PLD1: variants seen among roughly 807,000 people sequenced by gnomAD.
The protein encoded by PLD1 is phospholipase D1.
PLD1 carries 112 observed loss-of-function variants against 137.1 expected under a neutral mutation model. The observed-to-expected ratio is 0.82, with a 90% CI of 0.70 to 0.96. PLD1 has a LOEUF of 0.96. PLD1 is among the 40% of genes least tolerant of loss of function. The pLI, the probability that PLD1 is intolerant of heterozygous loss-of-function variation, is 0.00. For missense variants in PLD1, 1,321 were observed against 1,342.0 expected, an observed-to-expected ratio of 0.98 and a Z score of 0.24; for synonymous variants, 431 against 454.7, an observed-to-expected ratio of 0.95 and a Z score of 0.66.
At position 171,675,847 on chromosome 3, in the gene PLD1, T is replaced by TA. The variant is rs1284076445; in HGVS notation, c.2115+867_2115+868insT. Among the ~76,000 whole-genome samples the TA allele has an allele frequency of 2.0e-4, 30 of 149,574 alleles. 1 individual carries two copies. In the East Asian group the frequency reaches 5.8e-3, roughly 29 times the overall value. ...TTAATAACACCTGAATATGTACTTT[T>TA]TTTTTTTTTTTTTGAGACAGAGTCT... On this transcript the variant is annotated intron_variant, in intron 18 of 26. Transcript: ENST00000351298.
rs568582583 is a variant in PLD1 at position 171,687,603 on chromosome 3, T to A, written c.1540-19A>T. The A allele has an allele frequency of 1.6e-4, 245 of 1,536,516 alleles. No homozygotes were observed. The Admixed American group carries it at 2.1e-3, about 13-fold the overall frequency. On this transcript the variant is annotated intron_variant, in intron 14 of 26. Transcript: ENST00000351298. ...CGGCAGGCTGAGAAAAATTTTTTTT[T>A]AAAAAAAGACACTGCATAAGACATG...
chr3:171,604,646 C>T (rs1732068965), intron 26 of PLD1, among the ~76,000 whole-genome samples: 2 of 152,084 alleles, frequency 1.3e-5, no homozygotes, highest in Non-Finnish European at 2.9e-5. Context: ...TTTATTATAA[C>T]CAAAGGATAG....
chr3:171,648,053 C>T (rs186365485), intron 21 of PLD1, among the ~76,000 whole-genome samples: 3 of 152,278 alleles, frequency 2.0e-5, no homozygotes, highest in Admixed American at 2.0e-4. Context: ...TCAGAATTCC[C>T]TCCTTTTTAA....
chr3:171,716,031 T>C (rs1316322064), intron 8 of PLD1, among the ~76,000 whole-genome samples: 6 of 151,950 alleles, frequency 3.9e-5, no homozygotes, highest in Non-Finnish European at 7.4e-5. Context: ...TTGGGTTTCC[T>C]GTTCCTGTGT....
intron 5 of PLD1, among the ~76,000 whole-genome samples, chr3:171,734,405 C>T (rs1004052512): frequency 1.4e-4 from 22 of 152,226 alleles, no homozygotes; most frequent in African/African-American, 4.6e-4. Flanking sequence ...TTTTCTGTCC[C>T]AGTGCTGTGC....
At chr3:171,632,283 T>G (rs1177248910) in intron 23 of PLD1, among the ~76,000 whole-genome samples, 1 of 152,112 alleles carries the variant, frequency 6.6e-6, no homozygotes, top group Non-Finnish European at 1.5e-5. Context: ...AAAATCAAAA[T>G]GATTGAAAGA....
intron 8 of PLD1, among the ~76,000 whole-genome samples, chr3:171,720,718 T>C (rs185100702): frequency 4.1e-4 from 62 of 152,342 alleles, no homozygotes; most frequent in African/African-American, 1.4e-3. Context: ...GGCTTTAATC[T>C]TCACAGAATG....
intron 1 of PLD1, among the ~76,000 whole-genome samples, chr3:171,798,783 A>G (rs1473126051): frequency 1.3e-5 from 2 of 152,190 alleles, no homozygotes; most frequent in Non-Finnish European, 2.9e-5. Context: ...CTCTGGACAT[A>G]TTACCTGACC....
At chr3:171,716,883 A>C (rs945604339) in intron 8 of PLD1, among the ~76,000 whole-genome samples, 1 of 151,864 alleles carries the variant, frequency 6.6e-6, no homozygotes, top group African/African-American at 2.4e-5. Context: ...TAGGTTTTAC[A>C]TTTAAGTTTC....
intron 1 of PLD1, among the ~76,000 whole-genome samples, chr3:171,757,890 A>G (rs1314450774): frequency 1.3e-5 from 2 of 152,230 alleles, no homozygotes; most frequent in African/African-American, 2.4e-5. Flanking sequence ...CTGGTCTGAA[A>G]CCAGCTTTGT....
chr3:171,661,482 G>A (rs554394932), intron 20 of PLD1, among the ~76,000 whole-genome samples: 26 of 152,142 alleles, frequency 1.7e-4, no homozygotes, highest in African/African-American at 6.3e-4. Context: ...ACTAAACTCA[G>A]TGTCCCCAGA....
rs1716925057 is a variant in PLD1, at chr3:171,708,963, A to T, written c.1062-125T>A. 6.5e-6 allele frequency: 4 copies of T among 615,972 alleles called. No homozygotes were observed. The Middle Eastern group carries it at 1.2e-3, about 188-fold the overall frequency. The allele number at this position is 615,972 out of a possible 1,614,324, so 38.2% of individuals were successfully genotyped here. A position where few individuals can be genotyped will look rare whatever the true frequency, so the allele number is the denominator to read the frequency against. On this transcript the variant is annotated intron_variant, in intron 10 of 26. Coordinates refer to ENST00000351298, the MANE Select transcript of PLD1 (RefSeq NM_002662.5). ...TCCACATAACACATAACCACCATTG[A>T]CTTTGTGGACCTGGAAAACAAGGAT...
chr3:171,616,883 G>A (rs1475881336), intron 24 of PLD1, among the ~76,000 whole-genome samples: 2 of 152,122 alleles, frequency 1.3e-5, no homozygotes, highest in South Asian at 2.1e-4. Flanking sequence ...GGAAACGAAC[G>A]CACGAACTCT....
At position 171,600,999 on chromosome 3, in the gene PLD1, A is replaced by T. The variant is rs1488162669; in HGVS notation, c.*2079T>A. ...CTAGTAGGGGGAGACAGACAAACACATAAATACAAAATATCAGAGGGTTCA... is the reference window on the plus strand; with the variant it reads ...CTAGTAGGGGGAGACAGACAAACACTTAAATACAAAATATCAGAGGGTTCA... On this transcript the variant is annotated 3_prime_UTR_variant, in exon 27 of 27. Coordinates refer to ENST00000351298, the MANE Select transcript of PLD1 (RefSeq NM_002662.5). 1 of 152,240 alleles carries T rather than the reference A, an allele frequency of 6.6e-6. No individual in the cohort carries two copies. The allele number at this position is 152,240 out of a possible 1,614,324, so 9.4% of individuals were successfully genotyped here. A position where few individuals can be genotyped will look rare whatever the true frequency, so the allele number is the denominator to read the frequency against.
chr3:171,757,033 C>T (rs1721075900), intron 1 of PLD1, among the ~76,000 whole-genome samples: 2 of 152,066 alleles, frequency 1.3e-5, no homozygotes, highest in Admixed American at 6.5e-5. Flanking sequence ...GATCCCATGG[C>T]AGAAAAACCA....
chr3:171,747,507 C>T (rs193182155), intron 1 of PLD1, among the ~76,000 whole-genome samples: 50 of 150,832 alleles, frequency 3.3e-4, no homozygotes, highest in African/African-American at 1.1e-3. Flanking sequence ...TATAACTACT[C>T]CCATTCAACC....
chr3:171,756,917 A>G (rs1721071693), intron 1 of PLD1, among the ~76,000 whole-genome samples: 1 of 152,234 alleles, frequency 6.6e-6, no homozygotes, highest in South Asian at 2.1e-4. Flanking sequence ...TGGTTTATAA[A>G]TTATATCCCA....
chr3:171,773,925 C>T (rs963152462), intron 1 of PLD1, among the ~76,000 whole-genome samples: 2 of 151,936 alleles, frequency 1.3e-5, no homozygotes, highest in Non-Finnish European at 2.9e-5. Flanking sequence ...ATTTTTTGTA[C>T]TTTTAGTAGA....
chr3:171,766,891 T>C (rs1722013530), intron 1 of PLD1, among the ~76,000 whole-genome samples: 2 of 152,216 alleles, frequency 1.3e-5, no homozygotes, highest in African/African-American at 4.8e-5. Flanking sequence ...TCTAAACTTA[T>C]TTGTAACACG....
Sources: allele counts gnomAD v4.1 joint callset (sites outside exome capture counted in the v4.1 genomes callset), GRCh38; gene constraint gnomAD v4.1.1; transcripts MANE v1.5; gene names NCBI Gene and HGNC (gene_info 2026-07-23, HGNC 2026-07-21).